MSH4: variants seen among roughly 807,000 people sequenced by gnomAD.
The protein encoded by MSH4 is mutS protein homolog 4.
A neutral mutation model predicts 113.7 loss-of-function variants in MSH4; 106 were observed. That is an observed-to-expected ratio of 0.93 (90% CI 0.80 to 1.10). The LOEUF (loss-of-function observed/expected upper bound fraction) is 1.10, where lower values mean the gene tolerates loss of function less well. Among genes scored for constraint, MSH4 ranks in the 50% least tolerant of loss-of-function variants. MSH4 has a pLI of 0.00. For missense variants in MSH4, 1,061 were observed against 1,093.7 expected (o/e 0.97, Z 0.42); for synonymous variants, 368 against 380.2 (o/e 0.97, Z 0.37).
At chr1:75,812,295 A>G (rs1345271064) in intron 4 of MSH4, among the ~76,000 whole-genome samples, 1 of 152,184 alleles carries the variant, frequency 6.6e-6, no homozygotes, top group Non-Finnish European at 1.5e-5. Flanking sequence ...TCCAGTGTGG[A>G]CTGAATTGAA....
chr1:75,839,739 A>C (rs969125605), intron 7 of MSH4, among the ~76,000 whole-genome samples: 1 of 149,130 alleles, frequency 6.7e-6, no homozygotes, highest in East Asian at 2.0e-4. Context: ...GCAACCTACA[A>C]AATGGGAGAA....
intron 1 of MSH4, among the ~76,000 whole-genome samples, chr1:75,801,528 A>G (rs375754436): frequency 4.0e-5 from 6 of 149,424 alleles, no homozygotes; most frequent in African/African-American, 1.5e-4. Context: ...AGATTGCGCC[A>G]TTGCACTCTA....
chr1:75,851,261 CT>C (rs1651181133), intron 8 of MSH4, among the ~76,000 whole-genome samples: 1 of 148,684 alleles, frequency 6.7e-6, no homozygotes, highest in Non-Finnish European at 1.5e-5. Flanking sequence ...TCCCTTGTTT[CT>C]TTTTTTCTGC....
intron 1 of MSH4, among the ~76,000 whole-genome samples, chr1:75,797,656 G>A (rs1472545956): frequency 6.6e-6 from 1 of 152,102 alleles, no homozygotes; most frequent in African/African-American, 2.4e-5. Context: ...AGAGTGGGCT[G>A]GGCGGTGGCT....
intron 19 of MSH4, among the ~76,000 whole-genome samples, chr1:75,908,349 T>C (rs1453770996): frequency 6.6e-6 from 1 of 152,096 alleles, no homozygotes; most frequent in Non-Finnish European, 1.5e-5. Context: ...TTTCACTGTG[T>C]TGGCCATGCT....
chr1:75,805,930 A>G (rs1650049744), intron 2 of MSH4, among the ~76,000 whole-genome samples: 1 of 152,060 alleles, frequency 6.6e-6, no homozygotes. Flanking sequence ...TTTATTGGTT[A>G]TTATGGTATG....
intron 10 of MSH4, 143 bp from the exon 11 acceptor site, chr1:75,878,006 A>C: frequency 3.5e-6 from 2 of 575,892 alleles, no homozygotes; most frequent in East Asian, 6.0e-5. Context: ...AACTTAAGTA[A>C]ATTTAAATAT....
At chr1:75,838,917 A>G (rs1650890835) in intron 7 of MSH4, among the ~76,000 whole-genome samples, 1 of 152,186 alleles carries the variant, frequency 6.6e-6, no homozygotes, top group Non-Finnish European at 1.5e-5. Flanking sequence ...TTCCTGTAGT[A>G]TCTTGTTATG....
In MSH4 at chr1:75,898,092, T is replaced by G; in HGVS notation, c.2530+11T>G. 1.3e-6 allele frequency: 2 copies of G among 1,520,136 alleles called. No individual in the cohort carries two copies. The highest frequency in any genetic ancestry group is 4.6e-5 in the East Asian group (2 of 43,162). 94.2% of individuals were successfully genotyped at this position (1,520,136 alleles called of 1,614,324 possible). A position where few individuals can be genotyped will look rare whatever the true frequency, so the allele number is the denominator to read the frequency against. On this transcript the variant is annotated intron_variant, in intron 18 of 19. Transcript: ENST00000263187. ...AAGAGAAAAATTATGGTACTGCATA[T>G]AGAAATTATACCTATACATTCAAAT...
intron 19 of MSH4, among the ~76,000 whole-genome samples, chr1:75,902,440 G>C (rs570983933): frequency 6.6e-6 from 1 of 151,620 alleles, no homozygotes; most frequent in East Asian, 1.9e-4. Flanking sequence ...TCACTTATAA[G>C]TGAGAACATG....
Position 75,810,629 on chromosome 1 carries a change from C to T in MSH4, c.589-68C>T. 3 of 662,682 alleles carry T rather than the reference C, an allele frequency of 4.5e-6. No individual in the cohort carries two copies. In the South Asian group the frequency reaches 7.8e-5, roughly 17 times the overall value. The allele number at this position is 662,682 out of a possible 1,614,324, so 41.1% of individuals were successfully genotyped here. Reference sequence around the variant, plus strand: ...CTATGAATTAATTTTAAATACTTATCTCAGAAAAATATGAAACTTTTATTT... The same window carrying T: ...CTATGAATTAATTTTAAATACTTATTTCAGAAAAATATGAAACTTTTATTT... On this transcript the variant is annotated intron_variant, in intron 3 of 19. Coordinates refer to ENST00000263187, the MANE Select transcript of MSH4 (RefSeq NM_002440.4).
intron 19 of MSH4, among the ~76,000 whole-genome samples, chr1:75,907,442 C>G (rs1180386462): frequency 6.6e-6 from 1 of 151,640 alleles, no homozygotes; most frequent in Non-Finnish European, 1.5e-5. Flanking sequence ...TTCTCTTTGT[C>G]CTTGACCTTT....
At chr1:75,882,011 T>C (rs1651945310) in intron 14 of MSH4, among the ~76,000 whole-genome samples, 1 of 152,096 alleles carries the variant, frequency 6.6e-6, no homozygotes, top group South Asian at 2.1e-4. Context: ...TTAAAAACAT[T>C]GAAATTTCTA....
intron 6 of MSH4, among the ~76,000 whole-genome samples, chr1:75,819,322 G>A (rs1271419569): frequency 6.6e-6 from 1 of 151,990 alleles, no homozygotes. Context: ...GTGAAACCCT[G>A]TCTTTACCAA....
rs374331478 is a variant in MSH4, at chr1:75,889,256, T to C, written c.2113T>C (p.Tyr705His). 4.2e-5 allele frequency: 58 copies of C among 1,392,514 alleles called. No homozygotes were observed. The highest frequency in any genetic ancestry group is 5.6e-5 in the Non-Finnish European group (56 of 992,572). 86.3% of individuals were successfully genotyped at this position (1,392,514 alleles called of 1,614,324 possible). A position where few individuals can be genotyped will look rare whatever the true frequency, so the allele number is the denominator to read the frequency against. Residue 705 changes from tyrosine (Y) to histidine (H), a missense_variant, in exon 16 of 20, where the codon TAT becomes CAT. Coordinates refer to ENST00000263187, the MANE Select transcript of MSH4 (RefSeq NM_002440.4). ...LCQIMAQIGS[Y>H]VPAEYSSFRI... is the part of the protein sequence containing the mutation. ...CTTGACCTTATATTTTACAGGATCATATGTTCCAGCAGAATATTCTTCCTT... is the reference window on the plus strand; with the variant it reads ...CTTGACCTTATATTTTACAGGATCACATGTTCCAGCAGAATATTCTTCCTT...
At chr1:75,896,403 T>A (rs1288802580) in intron 17 of MSH4, among the ~76,000 whole-genome samples, 1 of 130,804 alleles carries the variant, frequency 7.6e-6, no homozygotes, top group Non-Finnish European at 1.8e-5. Context: ...ACCCTATTGG[T>A]CTCTTTCTCT....
intron 8 of MSH4, among the ~76,000 whole-genome samples, chr1:75,857,270 T>C (rs1651340885): frequency 6.6e-6 from 1 of 152,230 alleles, no homozygotes. Context: ...TTTCTTTCAC[T>C]GTGCAGAAGC....
chr1:75,826,127 T>G (rs981977572), intron 7 of MSH4, among the ~76,000 whole-genome samples: 1 of 152,188 alleles, frequency 6.6e-6, no homozygotes, highest in African/African-American at 2.4e-5. Context: ...TATTAATTAC[T>G]CCCTCAATTT....
chr1:75,858,830 A>G (rs905642619), intron 8 of MSH4, among the ~76,000 whole-genome samples: 1 of 152,220 alleles, frequency 6.6e-6, no homozygotes, highest in African/African-American at 2.4e-5. Flanking sequence ...GGAATATTTC[A>G]GAAGGAATGG....
Sources: allele counts gnomAD v4.1 joint callset (sites outside exome capture counted in the v4.1 genomes callset), GRCh38; gene constraint gnomAD v4.1.1; transcripts MANE v1.5; gene names NCBI Gene and HGNC (gene_info 2026-07-23, HGNC 2026-07-21).